SYT11: variants seen among roughly 807,000 people sequenced by gnomAD.
SYT11 encodes the protein synaptotagmin 11.
In SYT11, 12 loss-of-function variants were observed where a neutral mutation model predicts 30.4. The ratio of observed to expected loss-of-function variants is 0.39; its 90% CI spans 0.25 to 0.64. The LOEUF (loss-of-function observed/expected upper bound fraction) is 0.64. SYT11 is among the 30% of genes least tolerant of loss of function. The pLI, the probability that SYT11 is intolerant of heterozygous loss-of-function variation, is 0.45. For missense variants in SYT11, 412 were observed against 552.0 expected, an observed-to-expected ratio of 0.75 and a Z score of 2.54; for synonymous variants, 204 against 216.0, an observed-to-expected ratio of 0.94 and a Z score of 0.49.
intron 2 of SYT11, among the ~76,000 whole-genome samples, chr1:155,875,832 A>G (rs1333313927): frequency 1.3e-5 from 2 of 152,236 alleles, no homozygotes; most frequent in African/African-American, 4.8e-5. Context: ...AAGGCCTACA[A>G]TCAAAGCACA....
In SYT11 at chr1:155,868,644, G is replaced by T. The variant is rs1005541281; in HGVS notation, c.714G>T (p.Gln238His). Residue 238 changes from glutamine to histidine, a missense_variant, in exon 2 of 4, where the codon CAG becomes CAT. Physicochemically the swap from Gln to His is conservative, Grantham distance 24. Coordinates refer to ENST00000368324, the MANE Select transcript of SYT11 (RefSeq NM_152280.5). This position sits in a 1 kb window ranked among gnomAD's most constrained non-coding sequence, Gnocchi z 4.7. ...ATGGCATCCCCTACAGCCAGCTGCA[G>T]GACCTGGTGCTGCACTTCCTTGTCC... ...TFYGIPYSQL[Q>H]DLVLHFLVLS... 2 of 1,614,212 alleles carry T rather than the reference G, an allele frequency of 1.2e-6. No individual in the cohort carries two copies. Among genetic ancestry groups the T allele is most frequent in the Non-Finnish European group, 1.7e-6 (2 of 1,180,044 alleles).
Position 155,882,061 on chromosome 1 carries a change from G to C in SYT11, c.*553G>C, listed in dbSNP as rs1029447620. The C allele has an allele frequency of 5.3e-5, 8 of 151,402 alleles. No individual in the cohort carries two copies. The highest frequency in any genetic ancestry group is 1.9e-4 in the African/African-American group (8 of 41,200). The allele number at this position is 151,402 out of a possible 1,614,324, so 9.4% of individuals were successfully genotyped here. A position where few individuals can be genotyped will look rare whatever the true frequency, so the allele number is the denominator to read the frequency against. Reference sequence around the variant, plus strand: ...TTGTTTTGTTTTTTTTTTTTAATGGGGGACAAAAGAGAGGGAAAGACCCCT... The same window carrying C: ...TTGTTTTGTTTTTTTTTTTTAATGGCGGACAAAAGAGAGGGAAAGACCCCT... On this transcript the variant is annotated 3_prime_UTR_variant, in exon 4 of 4. Coordinates refer to ENST00000368324, the MANE Select transcript of SYT11 (RefSeq NM_152280.5).
intron 2 of SYT11, among the ~76,000 whole-genome samples, chr1:155,870,933 C>T (rs1672773177): frequency 6.6e-6 from 1 of 152,100 alleles, no homozygotes. Flanking sequence ...ATATTAGACA[C>T]ATTTGTGATT....
intron 1 of SYT11, among the ~76,000 whole-genome samples, chr1:155,864,360 A>G (rs1243338425): frequency 1.3e-5 from 2 of 152,234 alleles, no homozygotes; most frequent in Non-Finnish European, 2.9e-5. Context: ...TATTACATGT[A>G]TATTATGACC....
intron 2 of SYT11, among the ~76,000 whole-genome samples, chr1:155,878,092 A>C (rs1036126832): frequency 4.0e-5 from 6 of 151,790 alleles, no homozygotes; most frequent in Admixed American, 2.0e-4. Context: ...AAAATACAAA[A>C]TGTAGCCTGG....
At chr1:155,870,565 G>A (rs1184040814) in intron 2 of SYT11, among the ~76,000 whole-genome samples, 1 of 152,232 alleles carries the variant, frequency 6.6e-6, no homozygotes, top group East Asian at 1.9e-4. Context: ...CCTGTGGGCA[G>A]ATCATACTTA....
At chr1:155,881,170 C>G (rs1172928831) in intron 3 of SYT11, 28 bp from the exon 4 acceptor site, 1 of 1,597,174 alleles carries the variant, frequency 6.3e-7, no homozygotes, top group African/African-American at 1.3e-5. Flanking sequence ...GTCTGTCTCC[C>G]TTTTTCTTAT....
At chr1:155,879,630 CAT>C (rs1672929454) in intron 2 of SYT11, among the ~76,000 whole-genome samples, 1 of 152,152 alleles carries the variant, frequency 6.6e-6, no homozygotes, top group Admixed American at 6.5e-5. Flanking sequence ...TGCCCAAGGA[CAT>C]GTGGTGAGTA....
At chr1:155,866,917 TACAC>T (rs951159274) in intron 1 of SYT11, among the ~76,000 whole-genome samples, 2 of 151,808 alleles carry the variant, frequency 1.3e-5, no homozygotes, top group Admixed American at 1.3e-4. Flanking sequence ...TACATATATA[TACAC>T]ACACACATAT....
At chr1:155,859,927 G>C in intron 1 of SYT11, 132 bp downstream of exon 1, 1 of 873,446 alleles carries the variant, frequency 1.1e-6, no homozygotes, top group South Asian at 1.4e-5. Context: ...AATCGGGCCT[G>C]TGGTGGTGGG....
chr1:155,878,709 C>CA (rs111275039), intron 2 of SYT11, among the ~76,000 whole-genome samples: 4 of 150,726 alleles, frequency 2.7e-5, no homozygotes, highest in East Asian at 2.0e-4. Flanking sequence ...ACTAAAAATA[C>CA]AAAAAAAATT....
intron 1 of SYT11, 142 bp from the exon 2 acceptor site, chr1:155,867,823 A>G (rs1354730767): frequency 3.0e-6 from 2 of 670,406 alleles, no homozygotes; most frequent in Non-Finnish European, 5.0e-6. Context: ...GAAGGGAAAA[A>G]TTCTGAAGCC....
intron 3 of SYT11, among the ~76,000 whole-genome samples, chr1:155,880,902 G>T (rs1571981492): frequency 6.6e-6 from 1 of 152,262 alleles, no homozygotes; most frequent in East Asian, 1.9e-4. Context: ...AAGGCTGCAG[G>T]CATTTGTCTC....
In SYT11 at chr1:155,881,443, T is replaced by G. The variant is rs1571981842; in HGVS notation, c.1231T>G (p.Trp411Gly). ...TGTCACAGCCAGTGGTGCTGAACAC[T>G]GGAGAGAGGTCTGCGAGAGCCCCCG... is the stretch of plus-strand genomic sequence containing the variant. ...HSVTASGAEH[W>G]REVCESPRKP... The change falls in exon 4 of 4, where the codon TGG becomes GGG. Residue 411 changes from tryptophan to glycine, a missense_variant. By Grantham distance (184) the Trp-to-Gly change is radical. Transcript: ENST00000368324. The G allele has an allele frequency of 6.2e-7, 1 of 1,613,668 alleles. No homozygotes were observed. The highest frequency in any genetic ancestry group is 1.7e-5 in the Admixed American group (1 of 59,978).
chr1:155,863,681 G>A (rs1373845124), intron 1 of SYT11, among the ~76,000 whole-genome samples: 2 of 152,042 alleles, frequency 1.3e-5, no homozygotes, highest in Non-Finnish European at 2.9e-5. Flanking sequence ...AGCACTTTGG[G>A]GGGCCAAGGC....
At position 155,881,548 on chromosome 1, in the gene SYT11, G is replaced by A. The variant is rs756291891; in HGVS notation, c.*40G>A. Reference sequence around the variant, plus strand: ...CCTCTAATCCCCGGGGGCCAAGCTGGGGAGGGATGTGGAGGGGAAAAAGAT... The same window carrying A: ...CCTCTAATCCCCGGGGGCCAAGCTGAGGAGGGATGTGGAGGGGAAAAAGAT... On this transcript the variant is annotated 3_prime_UTR_variant, in exon 4 of 4. Coordinates refer to ENST00000368324, the MANE Select transcript of SYT11 (RefSeq NM_152280.5). The A allele has an allele frequency of 1.3e-6, 2 of 1,540,016 alleles. No individual in the cohort carries two copies. The highest frequency in any genetic ancestry group is 1.8e-6 in the Non-Finnish European group (2 of 1,137,956).
chr1:155,859,648 C>G lies in SYT11; in HGVS notation c.-114C>G. On this transcript the variant is annotated 5_prime_UTR_variant, in exon 1 of 4. Coordinates refer to ENST00000368324, the MANE Select transcript of SYT11 (RefSeq NM_152280.5). ...CGTCGCAGGAGGCGTCCGCTGGATA[C>G]CTTCCCCCTTCCCTGACCTAGAGCT... is the stretch of plus-strand genomic sequence containing the variant. The G allele has an allele frequency of 2.0e-6, 2 of 998,542 alleles. No individual in the cohort carries two copies. The highest frequency in any genetic ancestry group is 3.2e-6 in the Non-Finnish European group (2 of 626,360). 61.9% of individuals were successfully genotyped at this position (998,542 alleles called of 1,614,324 possible). A position where few individuals can be genotyped will look rare whatever the true frequency, so the allele number is the denominator to read the frequency against.
Position 155,859,641 on chromosome 1 carries a change from C to T in SYT11, c.-121C>T. On this transcript the variant is annotated 5_prime_UTR_variant, in exon 1 of 4. Coordinates refer to ENST00000368324, the MANE Select transcript of SYT11 (RefSeq NM_152280.5). ...GCCGGACCGTCGCAGGAGGCGTCCG[C>T]TGGATACCTTCCCCCTTCCCTGACC... The T allele has an allele frequency of 1.0e-6, 1 of 956,400 alleles. No individual in the cohort carries two copies. The highest frequency in any genetic ancestry group is 1.7e-6 in the Non-Finnish European group (1 of 591,340). 59.2% of individuals were successfully genotyped at this position (956,400 alleles called of 1,614,324 possible).
Position 155,866,412 on chromosome 1 carries a change from C to T in SYT11, c.35-1553C>T, listed in dbSNP as rs532507779. ...GATAACAGGCGTGAGCCGCCACACC[C>T]GGCCTATTTCTGTTTAGTTATTTGT... is the stretch of plus-strand genomic sequence containing the variant. On this transcript the variant is annotated intron_variant, in intron 1 of 3. Coordinates refer to ENST00000368324, the MANE Select transcript of SYT11 (RefSeq NM_152280.5). 1.2e-3 allele frequency among the ~76,000 whole-genome samples: 184 copies of T among 152,294 alleles called. 1 individual carries two copies. Among genetic ancestry groups the T allele is most frequent in the African/African-American group, 4.2e-3 (175 of 41,562 alleles).
Sources: allele counts gnomAD v4.1 joint callset (sites outside exome capture counted in the v4.1 genomes callset), GRCh38; gene constraint gnomAD v4.1.1; non-coding constraint Gnocchi (gnomAD v3.1); transcripts MANE v1.5; gene names NCBI Gene and HGNC (gene_info 2026-07-23, HGNC 2026-07-21).